Variants in STPG1 observed in about 807,000 individuals in gnomAD.
STPG1 encodes the protein sperm tail PG-rich repeat containing 1, also known as O(6)-methylguanine-induced apoptosis 2.
STPG1 carries 33 observed loss-of-function variants against 40.1 expected under a neutral mutation model. That is an observed-to-expected ratio of 0.82 (90% CI 0.62 to 1.10). STPG1 has a LOEUF of 1.10. Ranked by LOEUF, STPG1 falls within the 50% of genes least tolerant of loss-of-function variation. The probability of loss-of-function intolerance (pLI) is 0.00; values close to 1 mark genes in which losing one functional copy is unlikely to be tolerated. For synonymous variants in STPG1, 150 were observed against 155.0 expected (o/e 0.97, Z 0.24); for missense variants, 396 against 415.1 (o/e 0.95, Z 0.40).
chr1:24,379,578 A>G, intron 5 of STPG1, 75 bp downstream of exon 5: 2 of 1,524,708 alleles, frequency 1.3e-6, no homozygotes, highest in Non-Finnish European at 1.8e-6. Flanking sequence ...CGATGTCCCC[A>G]AGATCCCCTC....
intron 1 of STPG1, among the ~76,000 whole-genome samples, chr1:24,402,147 G>C (rs551641085): frequency 6.6e-6 from 1 of 152,200 alleles, no homozygotes; most frequent in African/African-American, 2.4e-5. Flanking sequence ...GAAGCTCCCT[G>C]TGTCCCTTTG....
Position 24,374,244 on chromosome 1 carries a change from GTTTTTTTTTTTTGTT to G in STPG1, c.463-449_463-435del, listed in dbSNP as rs1470814597. Among the ~76,000 whole-genome samples, 386 of 93,296 alleles carry G rather than the reference GTTTTTTTTTTTTGTT, an allele frequency of 4.1e-3. 6 individuals carry two copies. The highest frequency in any genetic ancestry group is 0.017 in the African/African-American group (361 of 21,098). The allele number at this position is 93,296 out of a possible 152,430, so 61.2% of individuals were successfully genotyped here. A position where few individuals can be genotyped will look rare whatever the true frequency, so the allele number is the denominator to read the frequency against. ...CAGCAGAGATCACCGCTAGGAAAGT[GTTTTTTTTTTTTGTT>G]TTTTTTTTTTTTTTTCTGAGACAGA... On this transcript the variant is annotated intron_variant, in intron 5 of 8. Transcript: ENST00000337248.
chr1:24,369,523 A>C (rs1641630115), intron 7 of STPG1, 151 bp downstream of exon 7: 1 of 790,070 alleles, frequency 1.3e-6, no homozygotes. Flanking sequence ...ACAGGCATTT[A>C]CTGAGCATCA....
At chr1:24,369,636 C>T in intron 7 of STPG1, 38 bp downstream of exon 7, 1 of 1,553,998 alleles carries the variant, frequency 6.4e-7, no homozygotes, top group Non-Finnish European at 8.7e-7. Context: ...TCCCCACAAC[C>T]ACCTTTCAAA....
At position 24,373,732 on chromosome 1, in the gene STPG1, A is replaced by G. The variant is rs1641863566; in HGVS notation, c.541T>C (p.Phe181Leu). ...GGAGGTCCTTTATCAGCAAAAGCGA[A>G]AGATCCTCTTTGGGTTTTTGACATA... is the stretch of plus-strand genomic sequence containing the variant. ...GFMSKTQRGS[F>L]AFADKGPPPG... The change falls in exon 6 of 9, where the codon TTC (phenylalanine) becomes CTC (leucine). Residue 181 changes from phenylalanine (F) to leucine (L), a missense_variant. Coordinates refer to ENST00000337248, the MANE Select transcript of STPG1 (RefSeq NM_001199013.2). 5 of 1,611,842 alleles carry G rather than the reference A, an allele frequency of 3.1e-6. No individual in the cohort carries two copies. Among genetic ancestry groups the G allele is most frequent in the Non-Finnish European group, 4.2e-6 (5 of 1,177,994 alleles).
At chr1:24,383,724 A>G in intron 4 of STPG1, 178 bp downstream of exon 4, 1 of 520,350 alleles carries the variant, frequency 1.9e-6, no homozygotes, top group Non-Finnish European at 3.5e-6. Flanking sequence ...GATGGGAAAA[A>G]GTTACTTAGA....
rs1640856924 is a variant in STPG1 at position 24,358,291 on chromosome 1, C to T, written c.*252G>A. The T allele has an allele frequency of 1.5e-6, 1 of 663,798 alleles. No homozygotes were observed. Among genetic ancestry groups the T allele is most frequent in the Non-Finnish European group, 2.8e-6 (1 of 360,306 alleles). 41.1% of individuals were successfully genotyped at this position (663,798 alleles called of 1,614,324 possible). On this transcript the variant is annotated 3_prime_UTR_variant, in exon 9 of 9. Transcript: ENST00000337248. ...TGGGGAAGCAGCCAGGGGGCTCTGT[C>T]CACTCCTCCCTTCTGCTCAGGAAGC...
At chr1:24,367,058 G>A (rs572722752) in intron 7 of STPG1, among the ~76,000 whole-genome samples, 7 of 152,330 alleles carry the variant, frequency 4.6e-5, no homozygotes, top group East Asian at 3.9e-4. Context: ...ACGCAGTCCC[G>A]CTGCACTGCC....
At chr1:24,397,258 C>T (rs574916821) in intron 2 of STPG1, among the ~76,000 whole-genome samples, 1 of 152,178 alleles carries the variant, frequency 6.6e-6, no homozygotes, top group African/African-American at 2.4e-5. Flanking sequence ...AAAACATCTC[C>T]CTCGATAATT....
Position 24,399,736 on chromosome 1 carries a change from A to C in STPG1, c.70+1583T>G, listed in dbSNP as rs1404845809. 6.6e-6 allele frequency among the ~76,000 whole-genome samples: 1 copy of C among 152,216 alleles called. No homozygotes were observed. The highest frequency in any genetic ancestry group is 6.5e-5 in the Admixed American group (1 of 15,278). On this transcript the variant is annotated intron_variant, in intron 2 of 8. Coordinates refer to ENST00000337248, the MANE Select transcript of STPG1 (RefSeq NM_001199013.2). The surrounding 1 kb of genome is among the most constrained non-coding windows in gnomAD (Gnocchi z 4.0). Reference sequence around the variant, plus strand: ...AAATAAAAAAAAGAAAAGACAAGACAAGACCCAGCAGAAGAAAATGGGCAA... The same window carrying C: ...AAATAAAAAAAAGAAAAGACAAGACCAGACCCAGCAGAAGAAAATGGGCAA...
chr1:24,407,925 T>G (rs981415653), intron 1 of STPG1, among the ~76,000 whole-genome samples: 5 of 152,260 alleles, frequency 3.3e-5, no homozygotes, highest in Admixed American at 2.6e-4. Context: ...GTAGCTGCTT[T>G]AAGGTTTCTT....
intron 6 of STPG1, among the ~76,000 whole-genome samples, chr1:24,371,291 G>A (rs1465007035): frequency 1.3e-5 from 2 of 152,014 alleles, no homozygotes; most frequent in Non-Finnish European, 2.9e-5. Context: ...AACATGAAAA[G>A]ACGTTCCCAG....
At chr1:24,393,928 G>A (rs1421428529) in intron 2 of STPG1, among the ~76,000 whole-genome samples, 1 of 152,168 alleles carries the variant, frequency 6.6e-6, no homozygotes, top group Admixed American at 6.5e-5. Context: ...GAGCCCCGTG[G>A]TCTTCCTGAG....
chr1:24,358,220 A>G lies in STPG1; in HGVS notation c.*323T>C. The stretch of plus-strand genomic sequence containing the variant: ...AAGTCTGCGCTTCAGGAGTCCCTTC[A>G]GTCTGCGGCAGGGAGTCGTGCCGGA... On this transcript the variant is annotated 3_prime_UTR_variant, in exon 9 of 9. Transcript: ENST00000337248. 1 of 568,532 alleles carries G rather than the reference A, an allele frequency of 1.8e-6. No individual in the cohort carries two copies. Among genetic ancestry groups the G allele is most frequent in the Non-Finnish European group, 3.3e-6 (1 of 300,058 alleles). 35.2% of individuals were successfully genotyped at this position (568,532 alleles called of 1,614,324 possible).
At chr1:24,383,672 A>T (rs2148698825) in intron 4 of STPG1, among the ~76,000 whole-genome samples, 1 of 152,336 alleles carries the variant, frequency 6.6e-6, no homozygotes, top group South Asian at 2.1e-4. Flanking sequence ...TCAAGTTCTC[A>T]AGATTCCTCT....
intron 6 of STPG1, among the ~76,000 whole-genome samples, chr1:24,371,936 G>C (rs1351750788): frequency 6.6e-6 from 1 of 152,172 alleles, no homozygotes; most frequent in African/African-American, 2.4e-5. Flanking sequence ...CCAGCACTTT[G>C]GGAGGCCGAG....
At chr1:24,376,499 CAGA>C (rs1286254782) in intron 5 of STPG1, among the ~76,000 whole-genome samples, 1 of 152,132 alleles carries the variant, frequency 6.6e-6, no homozygotes, top group East Asian at 1.9e-4. Context: ...TATCTATTGG[CAGA>C]AGGACACAAT....
At chr1:24,368,300 A>C (rs1357616057) in intron 7 of STPG1, among the ~76,000 whole-genome samples, 1 of 152,212 alleles carries the variant, frequency 6.6e-6, no homozygotes, top group African/African-American at 2.4e-5. Flanking sequence ...GCTGATGATC[A>C]GACTATGCCC....
intron 4 of STPG1, among the ~76,000 whole-genome samples, chr1:24,381,414 G>A (rs1286795281): frequency 6.6e-6 from 1 of 152,194 alleles, no homozygotes; most frequent in Non-Finnish European, 1.5e-5. Flanking sequence ...TGCCAGGCCT[G>A]TGGCCTCCAA....
Sources: gnomAD v4.1 joint callset for allele counts (sites outside exome capture counted in the v4.1 genomes callset) on GRCh38, gnomAD v4.1.1 for gene constraint, Gnocchi (gnomAD v3.1) non-coding constraint, MANE v1.5 for transcripts, NCBI Gene and HGNC (gene_info 2026-07-23, HGNC 2026-07-21) for gene names.